MBD5: variants seen among roughly 807,000 people sequenced by gnomAD.
MBD5 encodes methyl-CpG-binding domain protein 5.
Under a neutral mutation model 117.3 loss-of-function variants are expected in MBD5, and 13 were observed. The ratio of observed to expected loss-of-function variants is 0.11; its 90% CI spans 0.07 to 0.18. The LOEUF (loss-of-function observed/expected upper bound fraction) is 0.18, where lower values mean the gene tolerates loss of function less well. Ranked by LOEUF, MBD5 falls within the 10% of genes least tolerant of loss-of-function variation. MBD5 has a pLI of 1.00. For synonymous variants in MBD5, 727 were observed against 766.4 expected (o/e 0.95, Z 0.85); for missense variants, 1,879 against 2,093.8 (o/e 0.90, Z 2.00).
chr2:148,260,135 A>C (rs2382212), intron 3 of MBD5, among the ~76,000 whole-genome samples: 141,550 of 152,234 alleles, frequency 0.93, 66,344 homozygotes, highest in South Asian at 0.99. Context: ...CTCTAGCATA[A>C]AATGCAGTTT....
intron 4 of MBD5, among the ~76,000 whole-genome samples, chr2:148,389,264 AT>A (rs1704485388): frequency 2.2e-5 from 1 of 45,222 alleles, no homozygotes; most frequent in Non-Finnish European, 4.2e-5. Flanking sequence ...ATATATATAT[AT>A]ATATATATAT....
At chr2:148,239,718 C>CACACACACAT (rs1212562659) in intron 3 of MBD5, among the ~76,000 whole-genome samples, 1 of 148,650 alleles carries the variant, frequency 6.7e-6, no homozygotes, top group Non-Finnish European at 1.5e-5. Context: ...CACACACACA[C>CACACACACAT]ATATATTGAG....
At chr2:148,348,818 A>G (rs150473657) in intron 4 of MBD5, among the ~76,000 whole-genome samples, 88 of 152,070 alleles carry the variant, frequency 5.8e-4, no homozygotes, top group Non-Finnish European at 9.3e-4. Flanking sequence ...AAGTCACCAG[A>G]AAGTTGTCCA....
At chr2:148,211,313 G>A (rs1441209074) in intron 2 of MBD5, among the ~76,000 whole-genome samples, 1 of 152,036 alleles carries the variant, frequency 6.6e-6, no homozygotes, top group African/African-American at 2.4e-5. Context: ...GTTTTCAGAA[G>A]CCATAGTTCA....
chr2:148,231,241 C>T (rs1158858464), intron 2 of MBD5, among the ~76,000 whole-genome samples: 1 of 152,118 alleles, frequency 6.6e-6, no homozygotes, highest in Non-Finnish European at 1.5e-5. Flanking sequence ...CTGGGATTGG[C>T]GATTCCTTTC....
intron 3 of MBD5, among the ~76,000 whole-genome samples, chr2:148,236,145 A>G (rs1268590271): frequency 6.6e-6 from 1 of 152,108 alleles, no homozygotes; most frequent in Non-Finnish European, 1.5e-5. Context: ...GGTTGCTAAC[A>G]TCCAGGCAAG....
chr2:148,238,159 C>T (rs567374777), intron 3 of MBD5, among the ~76,000 whole-genome samples: 6 of 152,258 alleles, frequency 3.9e-5, no homozygotes, highest in Non-Finnish European at 7.4e-5. Flanking sequence ...TGTTTTACAT[C>T]ATTGTTTCTG....
chr2:148,230,324 G>A (rs1386013326), intron 2 of MBD5, among the ~76,000 whole-genome samples: 1 of 152,118 alleles, frequency 6.6e-6, no homozygotes, highest in Non-Finnish European at 1.5e-5. Flanking sequence ...CTCACCCTAT[G>A]GCTACCGCTA....
chr2:148,244,288 A>G (rs1375471493), intron 3 of MBD5: 2 of 152,134 alleles, frequency 1.3e-5, no homozygotes, highest in African/African-American at 2.4e-5. Context: ...TTATATTGTT[A>G]TAGTGGCTAT....
At chr2:148,044,274 A>G (rs1285460513) in intron 1 of MBD5, 1 of 152,220 alleles carries the variant, frequency 6.6e-6, no homozygotes, top group East Asian at 1.9e-4. Context: ...ATTGAACTTT[A>G]GTCTAGTAGG....
chr2:148,293,272 G>T (rs1469043314), intron 3 of MBD5, among the ~76,000 whole-genome samples: 2 of 152,068 alleles, frequency 1.3e-5, no homozygotes, highest in South Asian at 2.1e-4. Flanking sequence ...GAGAGGTGGG[G>T]ATGGCTAATG....
At chr2:148,247,440 C>T (rs1202607004) in intron 3 of MBD5, among the ~76,000 whole-genome samples, 1 of 152,060 alleles carries the variant, frequency 6.6e-6, no homozygotes, top group Non-Finnish European at 1.5e-5. Flanking sequence ...TTAATCAGGC[C>T]ATCCTTTAAA....
Position 148,468,929 on chromosome 2 carries a change from A to C in MBD5, c.986A>C (p.His329Pro). The C allele has an allele frequency of 6.2e-7, 1 of 1,613,856 alleles. No individual in the cohort carries two copies. The highest frequency in any genetic ancestry group is 8.5e-7 in the Non-Finnish European group (1 of 1,179,918). The change falls in exon 8 of 14, where the codon CAC becomes CCC. Residue 329 changes from histidine (H) to proline (P), a missense_variant. This residue lies in a region of MBD5 where 1,666 missense variants were observed against 1,792.2 expected (regional missense o/e 0.93). Coordinates refer to ENST00000642680, the MANE Select transcript of MBD5 (RefSeq NM_001378120.1). ...ATGGAAATACCACGAGCAATGTTCC[A>C]CCACAAACCACCCCAAGGCCCACCT... ...TNMEIPRAMF[H>P]HKPPQGPPPP...
intron 9 of MBD5, among the ~76,000 whole-genome samples, 175 bp downstream of exon 9, chr2:148,484,310 A>T (rs894551363): frequency 6.6e-6 from 1 of 152,198 alleles, no homozygotes; most frequent in Non-Finnish European, 1.5e-5. Flanking sequence ...TTATACAAAC[A>T]TGAGTGACTT....
chr2:148,263,267 T>A (rs1322175175), intron 3 of MBD5, among the ~76,000 whole-genome samples: 1 of 152,172 alleles, frequency 6.6e-6, no homozygotes, highest in African/African-American at 2.4e-5. Context: ...AAATGTAGGA[T>A]TGCTAAGCAT....
At chr2:148,358,965 A>T (rs1703456109) in intron 4 of MBD5, among the ~76,000 whole-genome samples, 1 of 152,006 alleles carries the variant, frequency 6.6e-6, no homozygotes, top group Non-Finnish European at 1.5e-5. Context: ...GACTTCTAGA[A>T]ATTTATAGTC....
chr2:148,206,123 C>CAA (rs758698506), intron 2 of MBD5, among the ~76,000 whole-genome samples: 5 of 108,406 alleles, frequency 4.6e-5, no homozygotes, highest in Non-Finnish European at 5.9e-5. Context: ...GACCCTGTCT[C>CAA]AAAAAAAAAA....
At chr2:148,083,561 C>T (rs1057221174) in intron 1 of MBD5, among the ~76,000 whole-genome samples, 32 of 152,084 alleles carry the variant, frequency 2.1e-4, no homozygotes, top group Middle Eastern at 3.4e-3. Context: ...AATAGAGGAT[C>T]GCAATCAAGG....
chr2:148,501,659 G>T (rs1196015869), intron 11 of MBD5, among the ~76,000 whole-genome samples: 1 of 152,070 alleles, frequency 6.6e-6, no homozygotes, highest in Non-Finnish European at 1.5e-5. Context: ...AGCAAAGGTT[G>T]CACCCTCCAC....
Sources: gnomAD v4.1 joint callset for allele counts (sites outside exome capture counted in the v4.1 genomes callset) on GRCh38, gnomAD v4.1.1 for gene constraint, gnomAD v4.1.1 regional missense constraint, MANE v1.5 for transcripts, NCBI Gene and HGNC (gene_info 2026-07-23, HGNC 2026-07-21) for gene names.